CDYL: variants seen among roughly 807,000 people sequenced by gnomAD.
CDYL encodes the protein chromodomain Y like, also known as chromodomain Y-like protein.
CDYL carries 8 observed loss-of-function variants against 47.3 expected under a neutral mutation model. The observed-to-expected ratio is 0.17, with a 90% CI of 0.10 to 0.31. CDYL has a LOEUF of 0.31. CDYL is among the 10% of genes least tolerant of loss of function. CDYL has a pLI of 1.00. For synonymous variants in CDYL, 266 were observed against 265.0 expected, an observed-to-expected ratio of 1.00 and a Z score of -0.04; for missense variants, 471 against 701.4, an observed-to-expected ratio of 0.67 and a Z score of 3.71.
exon 2 of CDYL, chr6:4,715,780 T>A (rs1360861069): frequency 6.2e-7 from 1 of 1,614,030 alleles, no homozygotes; most frequent in Non-Finnish European, 8.5e-7. Flanking sequence ...AAGAATTTTA[T>A]GACATTTCAG....
chr6:4,830,642 G>A (rs755508125), intron 1 of CDYL, among the ~76,000 whole-genome samples: 2 of 151,328 alleles, frequency 1.3e-5, no homozygotes, highest in Admixed American at 6.6e-5. Context: ...TAGGGTACAT[G>A]TGCACAATGT....
chr6:4,845,763 C>T (rs544587863), intron 1 of CDYL, among the ~76,000 whole-genome samples: 1 of 152,266 alleles, frequency 6.6e-6, no homozygotes, highest in Admixed American at 6.5e-5. Flanking sequence ...TATCACAAAG[C>T]ATCAACTTTT....
rs113995411 is a variant in CDYL, at chr6:4,841,430, G to A, written c.25-50283G>A. On this transcript the variant is annotated intron_variant, in intron 1 of 6. Coordinates refer to ENST00000397588, the MANE Select transcript of CDYL (RefSeq NM_004824.4). ...TTTGATCTTTGTTATTTCTTCTGCT[G>A]GGTTTGGGTTTGGTTTGTTCTTGTT... Among the ~76,000 whole-genome samples, 552 of 152,084 alleles carry A rather than the reference G, an allele frequency of 3.6e-3. 6 individuals carry two copies. Among genetic ancestry groups the A allele is most frequent in the African/African-American group, 0.012 (517 of 41,512 alleles).
chr6:4,713,321 G>A (rs1403600499), intron 1 of CDYL, among the ~76,000 whole-genome samples: 1 of 152,022 alleles, frequency 6.6e-6, no homozygotes, highest in Non-Finnish European at 1.5e-5. Flanking sequence ...TAGGAGTGGC[G>A]GGAGGAGGAT....
At chr6:4,948,947 C>T (rs1237974540) in intron 5 of CDYL, among the ~76,000 whole-genome samples, 1 of 152,244 alleles carries the variant, frequency 6.6e-6, no homozygotes, top group Non-Finnish European at 1.5e-5. Context: ...CTTGAGCTTT[C>T]AGCAGCCTGA....
chr6:4,709,823 G>A (rs1247818757), intron 1 of CDYL, among the ~76,000 whole-genome samples: 1 of 152,136 alleles, frequency 6.6e-6, no homozygotes, highest in African/African-American at 2.4e-5. Context: ...TCGGTGTGAG[G>A]CATATGGTAA....
At chr6:4,817,689 C>G (rs894264526) in intron 1 of CDYL, among the ~76,000 whole-genome samples, 1 of 152,110 alleles carries the variant, frequency 6.6e-6, no homozygotes, top group Non-Finnish European at 1.5e-5. Flanking sequence ...CAATTAGCCA[C>G]CGTTTTTGTA....
chr6:4,763,251 T>C (rs1758203390), intron 3 of CDYL, among the ~76,000 whole-genome samples: 1 of 152,156 alleles, frequency 6.6e-6, no homozygotes, highest in African/African-American at 2.4e-5. Context: ...GATGTTTTTA[T>C]AGCAGAAGGA....
intron 3 of CDYL, among the ~76,000 whole-genome samples, chr6:4,748,404 T>C (rs140450439): frequency 6.6e-6 from 1 of 152,022 alleles, no homozygotes; most frequent in East Asian, 1.9e-4. Context: ...GGATACATAC[T>C]AATAACACAG....
chr6:4,906,295 T>A (rs1438935931), intron 2 of CDYL, among the ~76,000 whole-genome samples: 1 of 152,256 alleles, frequency 6.6e-6, no homozygotes, highest in Non-Finnish European at 1.5e-5. Flanking sequence ...GGTAGCTGTT[T>A]CCCATGCTTG....
intron 5 of CDYL, among the ~76,000 whole-genome samples, chr6:4,943,992 T>TGTTA (rs1469259647): frequency 6.6e-6 from 1 of 152,182 alleles, no homozygotes; most frequent in African/African-American, 2.4e-5. Flanking sequence ...GGATATCTAC[T>TGTTA]GTTAGTAAAT....
At chr6:4,822,903 C>T (rs1759880552) in intron 1 of CDYL, among the ~76,000 whole-genome samples, 1 of 152,200 alleles carries the variant, frequency 6.6e-6, no homozygotes, top group Non-Finnish European at 1.5e-5. Flanking sequence ...TCCAGTACCA[C>T]CTTGTAAGGA....
chr6:4,715,604 C>A, intron 1 of CDYL: 1 of 734,148 alleles, frequency 1.4e-6, no homozygotes, highest in Non-Finnish European at 2.1e-6. Context: ...ACATTTATTG[C>A]TTCCTCTGCA....
intron 1 of CDYL, among the ~76,000 whole-genome samples, chr6:4,885,640 G>A (rs1761881045): frequency 6.6e-6 from 1 of 152,182 alleles, no homozygotes; most frequent in East Asian, 1.9e-4. Flanking sequence ...TTGCAAGCAG[G>A]TAAAATCTCA....
intron 1 of CDYL, among the ~76,000 whole-genome samples, chr6:4,866,060 C>A (rs1300428304): frequency 6.6e-6 from 1 of 152,150 alleles, no homozygotes; most frequent in African/African-American, 2.4e-5. Flanking sequence ...ACTGTGTTAT[C>A]TGATCACAAT....
chr6:4,780,691 G>A (rs9502237), intron 1 of CDYL, among the ~76,000 whole-genome samples: 35,076 of 151,998 alleles, frequency 0.23, 6,350 homozygotes, highest in African/African-American at 0.5. Context: ...TGGCATTAGC[G>A]TGTAAAAGCA....
At chr6:4,897,796 T>TTTGTTTTG (rs1554105995) in intron 2 of CDYL, among the ~76,000 whole-genome samples, 2,841 of 151,164 alleles carry the variant, frequency 0.019, 85 homozygotes, top group African/African-American at 0.065. Flanking sequence ...TTTTGTTTTT[T>TTTGTTTTG]TTTTTTAAAT....
chr6:4,778,663 TTTTA>T (rs776069693), intron 1 of CDYL, among the ~76,000 whole-genome samples: 2 of 152,160 alleles, frequency 1.3e-5, no homozygotes, highest in Non-Finnish European at 2.9e-5. Flanking sequence ...TGATTCTGAG[TTTTA>T]TTTTAGTTTT....
At chr6:4,922,143 C>T (rs1581266264) in intron 2 of CDYL, among the ~76,000 whole-genome samples, 1 of 152,122 alleles carries the variant, frequency 6.6e-6, no homozygotes. Flanking sequence ...GCATCCTGGA[C>T]CTGAAGTTTT....
Sources: gnomAD v4.1 joint callset for allele counts (sites outside exome capture counted in the v4.1 genomes callset) on GRCh38, gnomAD v4.1.1 for gene constraint, MANE v1.5 for transcripts, NCBI Gene and HGNC (gene_info 2026-07-23, HGNC 2026-07-21) for gene names.